Variants in KAZN observed in about 807,000 individuals in gnomAD.
The protein encoded by KAZN is kazrin.
KAZN carries 40 observed loss-of-function variants against 87.4 expected under a neutral mutation model. The ratio of observed to expected loss-of-function variants is 0.46; its 90% CI spans 0.36 to 0.60. The LOEUF is 0.60. Among genes scored for constraint, KAZN ranks in the 20% least tolerant of loss-of-function variants. The pLI, the probability that KAZN is intolerant of heterozygous loss-of-function variation, is 0.00. For missense variants in KAZN, 898 were observed against 1,073.9 expected, an observed-to-expected ratio of 0.84 and a Z score of 2.29; for synonymous variants, 466 against 458.3, an observed-to-expected ratio of 1.02 and a Z score of -0.22.
intron 2 of KAZN, among the ~76,000 whole-genome samples, chr1:14,345,889 G>C (rs1328144507): frequency 6.6e-6 from 1 of 152,172 alleles, no homozygotes; most frequent in Non-Finnish European, 1.5e-5. Flanking sequence ...AATAACATGA[G>C]TGAAAAGAGC....
intron 2 of KAZN, among the ~76,000 whole-genome samples, chr1:14,247,804 T>A (rs548525226): frequency 7.2e-5 from 11 of 152,278 alleles, no homozygotes; most frequent in African/African-American, 2.6e-4. Flanking sequence ...GCAGAATAAC[T>A]GCTCATCCTT....
chr1:15,115,929 A>C lies in KAZN; in HGVS notation c.*1294A>C, dbSNP rs970603667. The C allele has an allele frequency of 6.6e-6, 1 of 152,184 alleles. No homozygotes were observed. Among genetic ancestry groups the C allele is most frequent in the African/African-American group, 2.4e-5 (1 of 41,454 alleles). The allele number at this position is 152,184 out of a possible 1,614,324, so 9.4% of individuals were successfully genotyped here. A position where few individuals can be genotyped will look rare whatever the true frequency, so the allele number is the denominator to read the frequency against. On this transcript the variant is annotated 3_prime_UTR_variant, in exon 15 of 15. Coordinates refer to ENST00000376030, the MANE Select transcript of KAZN (RefSeq NM_201628.3). The surrounding 1 kb of genome is among the most constrained non-coding windows in gnomAD (Gnocchi z 4.1). ...AAATGATATAGAGCTAGTTCGCTCC[A>C]ACTCTTTAGGTTGAAGCAGTGTGCA...
chr1:14,813,319 T>C (rs1646467226), intron 1 of KAZN, among the ~76,000 whole-genome samples: 1 of 152,188 alleles, frequency 6.6e-6, no homozygotes, highest in Admixed American at 6.5e-5. Flanking sequence ...TGAAGCTAGG[T>C]CACATATGAA....
At chr1:14,415,163 G>A (rs1164207279) in intron 2 of KAZN, among the ~76,000 whole-genome samples, 4 of 152,178 alleles carry the variant, frequency 2.6e-5, no homozygotes, top group Non-Finnish European at 1.5e-5. Flanking sequence ...CAAGGTCGAT[G>A]ATGGATCTAG....
intron 1 of KAZN, among the ~76,000 whole-genome samples, chr1:14,743,701 A>G (rs1557444952): frequency 6.6e-6 from 1 of 151,968 alleles, no homozygotes; most frequent in African/African-American, 2.4e-5. Flanking sequence ...TTCCCAGCAG[A>G]TTGTCTGGTG....
chr1:14,356,122 C>T (rs1421077742), intron 2 of KAZN, among the ~76,000 whole-genome samples: 1 of 152,188 alleles, frequency 6.6e-6, no homozygotes, highest in Non-Finnish European at 1.5e-5. Flanking sequence ...GATTGCCATT[C>T]TAGCTGGTGT....
chr1:14,271,584 TTCTG>T (rs1252311153), intron 2 of KAZN, among the ~76,000 whole-genome samples: 2 of 152,356 alleles, frequency 1.3e-5, no homozygotes, highest in Non-Finnish European at 2.9e-5. Flanking sequence ...TTATTGTATA[TTCTG>T]TCTATTTCCT....
chr1:14,118,005 C>T (rs1409182347), intron 1 of KAZN, among the ~76,000 whole-genome samples: 1 of 152,214 alleles, frequency 6.6e-6, no homozygotes, highest in African/African-American at 2.4e-5. Context: ...GCTCACTCTT[C>T]TGCTGCCTCT....
At chr1:14,594,839 A>G (rs1676393703), upstream of KAZN, among the ~76,000 whole-genome samples, 1 of 152,150 alleles carries the variant, frequency 6.6e-6, no homozygotes, top group Non-Finnish European at 1.5e-5. Context: ...GGCCAGTGGG[A>G]GGGGACACAG....
At chr1:14,806,826 C>CTAT (rs1646237983) in intron 1 of KAZN, among the ~76,000 whole-genome samples, 1 of 152,142 alleles carries the variant, frequency 6.6e-6, no homozygotes, top group Non-Finnish European at 1.5e-5. Context: ...AGTTTGAATC[C>CTAT]AGATAGTCTG....
intron 1 of KAZN, among the ~76,000 whole-genome samples, chr1:14,703,338 A>C (rs1047612214): frequency 1.3e-5 from 2 of 152,196 alleles, no homozygotes; most frequent in South Asian, 4.1e-4. Flanking sequence ...CCAGGTAGAG[A>C]TAATTGAATC....
chr1:14,626,663 G>A (rs937407526), intron 1 of KAZN, among the ~76,000 whole-genome samples: 2 of 152,174 alleles, frequency 1.3e-5, no homozygotes, highest in African/African-American at 2.4e-5. Context: ...CACCTCGGTG[G>A]TTCTCTGTGG....
In KAZN at chr1:14,056,954, G is replaced by A. The variant is rs140001601; in HGVS notation, c.92-123481G>A. On this transcript the variant is annotated intron_variant, in intron 1 of 16. Transcript: ENST00000636203. ...AGCTACTCGGGAGACTGAGGTGGGA[G>A]GATCGCTTGAGCCCAGGAGGCAGAG... 7.2e-3 allele frequency among the ~76,000 whole-genome samples: 1,084 copies of A among 151,532 alleles called. 11 individuals are homozygous for A. The highest frequency in any genetic ancestry group is 0.025 in the African/African-American group (1,035 of 41,244).
chr1:13,899,186 G>A (rs886689750), intron 1 of KAZN, among the ~76,000 whole-genome samples: 2 of 152,214 alleles, frequency 1.3e-5, no homozygotes, highest in African/African-American at 2.4e-5. Flanking sequence ...GCTGGCAATT[G>A]GGCACAACCA....
chr1:14,147,480 G>A (rs1472605959), intron 1 of KAZN, among the ~76,000 whole-genome samples: 3 of 152,150 alleles, frequency 2.0e-5, no homozygotes, highest in Non-Finnish European at 2.9e-5. Flanking sequence ...CTACCTCTTA[G>A]ATTTATTGGG....
At chr1:15,034,430 G>A (rs544417221) in intron 2 of KAZN, among the ~76,000 whole-genome samples, 52 of 152,326 alleles carry the variant, frequency 3.4e-4, no homozygotes, top group Admixed American at 1.4e-3. Flanking sequence ...GGCCCCTGGA[G>A]CCCACCAGGC....
intron 3 of KAZN, among the ~76,000 whole-genome samples, chr1:15,043,734 C>T (rs1673165541): frequency 6.6e-6 from 1 of 151,002 alleles, no homozygotes; most frequent in Admixed American, 6.6e-5. Context: ...AGCTCCACCT[C>T]CCAGGTTCTG....
chr1:14,941,542 T>G (rs1204801863), intron 1 of KAZN, among the ~76,000 whole-genome samples: 2 of 138,736 alleles, frequency 1.4e-5, no homozygotes, highest in African/African-American at 2.6e-5. Context: ...GCAGCCTGGG[T>G]TGGGGGGTGG....
chr1:14,798,416 C>CTTTTTTTTT (rs545959773), intron 1 of KAZN, among the ~76,000 whole-genome samples: 1 of 88,146 alleles, frequency 1.1e-5, no homozygotes, highest in Non-Finnish European at 2.0e-5. Flanking sequence ...TGTTTCTTTC[C>CTTTTTTTTT]TTTTTTTTTT....
Sources: allele counts gnomAD v4.1 joint callset (sites outside exome capture counted in the v4.1 genomes callset), GRCh38; gene constraint gnomAD v4.1.1; non-coding constraint Gnocchi (gnomAD v3.1); transcripts MANE v1.5; gene names NCBI Gene and HGNC (gene_info 2026-07-23, HGNC 2026-07-21).